The following COL4A2 variants were observed in gnomAD, a reference collection of about 807,000 sequenced individuals.
The protein encoded by COL4A2 is collagen alpha-2(IV) chain.
COL4A2 carries 99 observed loss-of-function variants against 200.2 expected under a neutral mutation model. The ratio of observed to expected loss-of-function variants is 0.49; its 90% CI spans 0.42 to 0.58. The LOEUF (loss-of-function observed/expected upper bound fraction) is 0.58, where lower values mean the gene tolerates loss of function less well. COL4A2 is among the 20% of genes least tolerant of loss of function. COL4A2 has a pLI of 0.00. For missense variants in COL4A2, 1,950 were observed against 2,314.1 expected (o/e 0.84, Z 3.23); for synonymous variants, 897 against 900.6 (o/e 1.00, Z 0.07).
intron 20 of COL4A2, among the ~76,000 whole-genome samples, chr13:110,455,670 C>T (rs56085600): frequency 6.6e-6 from 1 of 152,148 alleles, no homozygotes; most frequent in African/African-American, 2.4e-5. Flanking sequence ...GTTTGATGAG[C>T]GAATGAATGA....
At chr13:110,468,480 C>T in intron 27 of COL4A2, 1 of 372,530 alleles carries the variant, frequency 2.7e-6, no homozygotes, top group Non-Finnish European at 5.4e-6. Flanking sequence ...CGGGAAAGCT[C>T]CAGTGATGCG....
At position 110,481,051 on chromosome 13, in the gene COL4A2, CATT is replaced by C. The variant is rs1468052936; in HGVS notation, c.2758+662_2758+664del. ...CTGGAGACACACAGTTCTGTCCCTC[CATT>C]GCTGGAGACACACTGTTCTGTCCCT... On this transcript the variant is annotated intron_variant, in intron 31 of 47. Transcript: ENST00000360467. 1.3e-4 allele frequency among the ~76,000 whole-genome samples: 13 copies of C among 99,588 alleles called. 2 individuals are homozygous for C. Among genetic ancestry groups the C allele is most frequent in the East Asian group, 1.2e-3 (3 of 2,596 alleles). The allele number at this position is 99,588 out of a possible 152,430, so 65.3% of individuals were successfully genotyped here.
At chr13:110,453,927 T>A (rs917306524) in intron 20 of COL4A2, among the ~76,000 whole-genome samples, 6 of 152,234 alleles carry the variant, frequency 3.9e-5, no homozygotes, top group Non-Finnish European at 5.9e-5. Context: ...TTGATTCCCA[T>A]GGAGTTCTCT....
chr13:110,444,551 AAC>A (rs1300305162), intron 16 of COL4A2, among the ~76,000 whole-genome samples: 1 of 152,224 alleles, frequency 6.6e-6, no homozygotes, highest in Non-Finnish European at 1.5e-5. Flanking sequence ...GGACCACAAC[AAC>A]ACACACAAAG....
rs148157810 is a variant in COL4A2, at chr13:110,380,347, G to A, written c.180+22795G>A. 5.3e-5 allele frequency among the ~76,000 whole-genome samples: 8 copies of A among 152,296 alleles called. No individual in the cohort carries two copies. The East Asian group carries it at 1.5e-3, about 29-fold the overall frequency. On this transcript the variant is annotated intron_variant, in intron 4 of 47. Transcript: ENST00000360467. ...TATCAGTATTGTTTATGATTTTATAGAGGAGATTTTCACAAGAGGAACTTT... is the reference window on the plus strand; with the variant it reads ...TATCAGTATTGTTTATGATTTTATAAAGGAGATTTTCACAAGAGGAACTTT...
intron 11 of COL4A2, 64 bp downstream of exon 11, chr13:110,432,424 G>T (rs1032343576): frequency 5.9e-6 from 9 of 1,524,294 alleles, no homozygotes; most frequent in South Asian, 1.3e-5. Flanking sequence ...GGGTTTGTTT[G>T]TTTTTTACCA....
At chr13:110,459,011 C>A in intron 22 of COL4A2, 77 bp downstream of exon 22, 2 of 1,368,500 alleles carry the variant, frequency 1.5e-6, no homozygotes, top group South Asian at 1.5e-5. Context: ...CCTTTTATCT[C>A]CTAAGTTTAC....
chr13:110,378,684 T>C (rs1483464914), intron 4 of COL4A2, among the ~76,000 whole-genome samples: 2 of 152,220 alleles, frequency 1.3e-5, no homozygotes, highest in Non-Finnish European at 2.9e-5. Context: ...AAAAGTCGCA[T>C]TAAAACCCAC....
At chr13:110,429,816 C>G in intron 7 of COL4A2, 69 bp from the exon 8 acceptor site, 1 of 1,490,204 alleles carries the variant, frequency 6.7e-7, no homozygotes, top group Non-Finnish European at 9.3e-7. Flanking sequence ...TCCACATTAC[C>G]ATAGCTGCAC....
intron 3 of COL4A2, among the ~76,000 whole-genome samples, chr13:110,356,945 T>C (rs2139387894): frequency 6.6e-6 from 1 of 152,248 alleles, no homozygotes; most frequent in African/African-American, 2.4e-5. Flanking sequence ...TTTGTATTTT[T>C]AGTAGAGACG....
chr13:110,330,751 A>G (rs1386569026), intron 3 of COL4A2, among the ~76,000 whole-genome samples: 3 of 152,010 alleles, frequency 2.0e-5, no homozygotes, highest in East Asian at 1.9e-4. Flanking sequence ...CTTTAAATGA[A>G]AGACCTCCTA....
chr13:110,470,212 G>C (rs1304027557), intron 28 of COL4A2, among the ~76,000 whole-genome samples: 6 of 152,166 alleles, frequency 3.9e-5, no homozygotes, highest in Admixed American at 1.3e-4. Flanking sequence ...CACTGTGCCA[G>C]GCCGCACACA....
intron 31 of COL4A2, among the ~76,000 whole-genome samples, chr13:110,480,673 A>G (rs1882868423): frequency 6.6e-6 from 1 of 152,264 alleles, no homozygotes; most frequent in Non-Finnish European, 1.5e-5. Flanking sequence ...TATTGTAAAT[A>G]TCACCATCTG....
At chr13:110,475,719 C>G (rs530751735) in intron 29 of COL4A2, among the ~76,000 whole-genome samples, 1 of 152,346 alleles carries the variant, frequency 6.6e-6, no homozygotes, top group South Asian at 2.1e-4. Context: ...GGTCCTGCTT[C>G]CATTCGACTG....
At chr13:110,396,478 T>C (rs1189255092) in intron 4 of COL4A2, among the ~76,000 whole-genome samples, 1 of 152,188 alleles carries the variant, frequency 6.6e-6, no homozygotes, top group Non-Finnish European at 1.5e-5. Context: ...ACCCTGGACT[T>C]CAGCTGAGGC....
chr13:110,428,264 A>T (rs1045744207), intron 6 of COL4A2, among the ~76,000 whole-genome samples: 1 of 152,234 alleles, frequency 6.6e-6, no homozygotes, highest in Admixed American at 6.5e-5. Context: ...TTTGCTTCGA[A>T]ATCTTTTCCC....
intron 37 of COL4A2, among the ~76,000 whole-genome samples, chr13:110,491,787 C>T (rs1251348479): frequency 6.6e-6 from 1 of 152,202 alleles, no homozygotes; most frequent in Non-Finnish European, 1.5e-5. Context: ...GGCACTGCCT[C>T]AGGGTCCTCT....
At chr13:110,418,523 T>A (rs1880132146) in intron 4 of COL4A2, among the ~76,000 whole-genome samples, 1 of 152,244 alleles carries the variant, frequency 6.6e-6, no homozygotes, top group African/African-American at 2.4e-5. Flanking sequence ...TAAATGTCTG[T>A]ATATCAAGTG....
rs368162384 is a variant in COL4A2 at position 110,385,698 on chromosome 13, T to C, written c.180+28146T>C. Reference sequence around the variant, plus strand: ...GTGTGGATAGGCCGTGGTTACAGTGTGTGGATAGGCCGTGGTTACAGTGTG... The same window carrying C: ...GTGTGGATAGGCCGTGGTTACAGTGCGTGGATAGGCCGTGGTTACAGTGTG... On this transcript the variant is annotated intron_variant, in intron 4 of 47. Coordinates refer to ENST00000360467, the MANE Select transcript of COL4A2 (RefSeq NM_001846.4). Among the ~76,000 whole-genome samples, 70 of 94,288 alleles carry C rather than the reference T, an allele frequency of 7.4e-4. 3 individuals are homozygous for C. Among genetic ancestry groups the C allele is most frequent in the African/African-American group, 2.2e-3 (67 of 30,978 alleles). The allele number at this position is 94,288 out of a possible 152,430, so 61.9% of individuals were successfully genotyped here.
Sources: gnomAD v4.1 joint callset for allele counts (sites outside exome capture counted in the v4.1 genomes callset) on GRCh38, gnomAD v4.1.1 for gene constraint, MANE v1.5 for transcripts, NCBI Gene and HGNC (gene_info 2026-07-23, HGNC 2026-07-21) for gene names.